The following INTS1 variants were observed in gnomAD, a reference collection of about 807,000 sequenced individuals.
The protein encoded by INTS1 is integrator complex subunit 1.
A neutral mutation model predicts 241.6 loss-of-function variants in INTS1; 137 were observed. The ratio of observed to expected loss-of-function variants is 0.57; its 90% CI spans 0.49 to 0.65. The LOEUF (loss-of-function observed/expected upper bound fraction) is 0.65, where lower values mean the gene tolerates loss of function less well. INTS1 is among the 30% of genes least tolerant of loss of function. INTS1 has a pLI of 0.00. For synonymous variants in INTS1, 1,692 were observed against 1,337.8 expected, an observed-to-expected ratio of 1.26 and a Z score of -5.78; for missense variants, 3,073 against 3,032.2, an observed-to-expected ratio of 1.01 and a Z score of -0.32.
chr7:1,492,730 T>A (rs1386614589), intron 16 of INTS1, among the ~76,000 whole-genome samples: 3 of 152,066 alleles, frequency 2.0e-5, no homozygotes, highest in Non-Finnish European at 4.4e-5. Flanking sequence ...CAAACCCAGG[T>A]AACGGTTGGA....
intron 33 of INTS1, 31 bp downstream of exon 33, chr7:1,478,335 G>A (rs4725131): frequency 0.074 from 119,505 of 1,606,566 alleles, 5,669 homozygotes; most frequent in Admixed American, 0.24. Flanking sequence ...CAGGGCCGCC[G>A]TGGCCCAAGA....
Position 1,478,660 on chromosome 7 carries a change from T to C in INTS1, c.4489+66A>G, listed in dbSNP as rs1205653336. 5 of 1,493,232 alleles carry C rather than the reference T, an allele frequency of 3.3e-6. No homozygotes were observed. The African/African-American group carries it at 4.2e-5, about 12-fold the overall frequency. The allele number at this position is 1,493,232 out of a possible 1,614,324, so 92.5% of individuals were successfully genotyped here. A position where few individuals can be genotyped will look rare whatever the true frequency, so the allele number is the denominator to read the frequency against. On this transcript the variant is annotated intron_variant, in intron 32 of 47. Coordinates refer to ENST00000404767, the MANE Select transcript of INTS1 (RefSeq NM_001080453.3). ...CCAGGCCTCGGGGTGCCAGGCAGCT[T>C]GGCCACTCTGAGTGAGCCCCTGTCC...
chr7:1,499,926 G>A lies in INTS1; in HGVS notation c.642C>T (p.Ala214=), dbSNP rs756251106. ...GCCAGTTCTCGTCCTCCTCGTAGGC[G>A]GCCATGAGGAGGTTACAGGCCAGCA... is the stretch of plus-strand genomic sequence containing the variant. ...VSVLACNLLM[A]AYEEDENWPE... is the part of the protein sequence containing the mutation. The change falls in exon 5 of 48, where the codon GCC becomes GCT. Residue 214 remains alanine (A), a synonymous_variant. Transcript: ENST00000404767. The A allele has an allele frequency of 1.7e-5, 28 of 1,613,542 alleles. No individual in the cohort carries two copies. Among genetic ancestry groups the A allele is most frequent in the South Asian group, 6.6e-5 (6 of 91,084 alleles).
chr7:1,496,574 A>G (rs912643367), intron 11 of INTS1, among the ~76,000 whole-genome samples: 2 of 152,100 alleles, frequency 1.3e-5, no homozygotes, highest in East Asian at 3.9e-4. Context: ...AGGGATCCAG[A>G]GAGAGAGCCC....
At position 1,478,801 on chromosome 7, in the gene INTS1, C is replaced by A. The variant is rs376634201; in HGVS notation, c.4414G>T (p.Val1472Leu). 3.7e-6 allele frequency: 6 copies of A among 1,606,972 alleles called. No homozygotes were observed. The highest frequency in any genetic ancestry group is 1.1e-5 in the South Asian group (1 of 90,050). The change falls in exon 32 of 48, where the codon GTG (valine) becomes TTG (leucine). Residue 1472 changes from valine (V) to leucine (L), a missense_variant. Transcript: ENST00000404767. ...TGTGCCCGCAGGGGCCCGCCCTCCACGCCAGGGCTGTCCAGCCACTGCAGC... is the reference window on the plus strand; with the variant it reads ...TGTGCCCGCAGGGGCCCGCCCTCCAAGCCAGGGCTGTCCAGCCACTGCAGC... ...QMLQWLDSPG[V>L]EGGPLRAQLR...
rs754891228 is a variant in INTS1 at position 1,480,362 on chromosome 7, G to C, written c.4029C>G (p.Leu1343=). ...GGTCGTCCTCAGGGCCCAGCACCCG[G>C]AGCTGGGTCCCCACCCGAATCCGGC... The part of the protein sequence containing the change: ...GQGRIRVGTQ[L]RVLGPEDDLA... Residue 1343 remains leucine, a synonymous_variant, in exon 30 of 48, where the codon CTC becomes CTG. Transcript: ENST00000404767. 3 of 1,612,056 alleles carry C rather than the reference G, an allele frequency of 1.9e-6. No individual in the cohort carries two copies. Among genetic ancestry groups the C allele is most frequent in the South Asian group, 1.1e-5 (1 of 90,934 alleles).
At chr7:1,471,872 C>G (rs1201990032) in intron 44 of INTS1, 1 of 589,712 alleles carries the variant, frequency 1.7e-6, no homozygotes, top group Non-Finnish European at 3.0e-6. Flanking sequence ...CACGGCAGCC[C>G]CATATCCAGG....
intron 36 of INTS1, 50 bp downstream of exon 36, chr7:1,476,744 G>C (rs371299805): frequency 1.9e-6 from 3 of 1,612,298 alleles, no homozygotes; most frequent in Non-Finnish European, 2.5e-6. Flanking sequence ...GAGATTTCTG[G>C]TGAAGGCCAG....
chr7:1,484,339 C>T (rs1782145854), intron 24 of INTS1, among the ~76,000 whole-genome samples, 169 bp from the exon 25 acceptor site: 1 of 152,116 alleles, frequency 6.6e-6, no homozygotes, highest in Admixed American at 6.5e-5. Flanking sequence ...AGAGCTGGGT[C>T]GGACTCTCCA....
intron 33 of INTS1, among the ~76,000 whole-genome samples, 170 bp from the exon 34 acceptor site, chr7:1,478,106 G>C: frequency 6.7e-6 from 1 of 148,272 alleles, no homozygotes; most frequent in Non-Finnish European, 1.5e-5. Flanking sequence ...AGGAGAGTGC[G>C]GCCGGGGCTG....
In INTS1 at chr7:1,484,170, C is replaced by A; in HGVS notation, c.3262G>T (p.Asp1088Tyr). ...EQAQHSDLAL[D>Y]VARLVVERST... ...CGCTCCACGACCAGCCGGGCCACGT[C>A]CTGGTGTGTGGACAGGGGGGCGTCA... The change falls in exon 25 of 48, where the codon GAC becomes TAC. Residue 1088 changes from aspartate (D) to tyrosine (Y), a missense_variant and splice_region_variant. Asp to Tyr is a radical substitution (Grantham distance 160). Transcript: ENST00000404767. The A allele has an allele frequency of 3.1e-6, 5 of 1,607,344 alleles. No homozygotes were observed. The highest frequency in any genetic ancestry group is 4.2e-6 in the Non-Finnish European group (5 of 1,177,042).
intron 11 of INTS1, among the ~76,000 whole-genome samples, chr7:1,496,930 T>G (rs6950990): frequency 6.6e-6 from 1 of 151,954 alleles, no homozygotes; most frequent in Admixed American, 6.5e-5. Flanking sequence ...TCCCCTGTGC[T>G]TGGTCAGCCC....
intron 21 of INTS1, 71 bp from the exon 22 acceptor site, chr7:1,486,845 G>A: frequency 6.3e-7 from 1 of 1,595,164 alleles, no homozygotes; most frequent in Non-Finnish European, 8.5e-7. Context: ...GTGCGCGGCT[G>A]GTGGGCTCAG....
rs1353245005 is a variant in INTS1 at position 1,493,730 on chromosome 7, C to A, written c.2068+24G>T. 7 of 1,558,606 alleles carry A rather than the reference C, an allele frequency of 4.5e-6. No homozygotes were observed. Among genetic ancestry groups the A allele is most frequent in the Non-Finnish European group, 5.2e-6 (6 of 1,152,836 alleles). ...ACGAGGGGAGCAGACCCAGCACAGG[C>A]GCCATCCCCTGCAGAAGCCATACCA... On this transcript the variant is annotated intron_variant, in intron 15 of 47. Transcript: ENST00000404767. This position sits in a 1 kb window ranked among gnomAD's most constrained non-coding sequence, Gnocchi z 5.3.
chr7:1,481,370 C>G lies in INTS1; in HGVS notation c.3822G>C (p.Gln1274His), dbSNP rs374357987. Reference protein sequence around the residue: ...FLDQAVAHDPQTLEQNIMDKN... With the variant: ...FLDQAVAHDPHTLEQNIMDKN... ...TGTCCATGATGTTCTGCTCCAGAGTCTGGGGGTCGTGGGCCACTGCCTGGT... is the reference window on the plus strand; with the variant it reads ...TGTCCATGATGTTCTGCTCCAGAGTGTGGGGGTCGTGGGCCACTGCCTGGT... The change falls in exon 28 of 48, where the codon CAG (glutamine) becomes CAC (histidine). Residue 1274 changes from glutamine (Q) to histidine (H), a missense_variant. Coordinates refer to ENST00000404767, the MANE Select transcript of INTS1 (RefSeq NM_001080453.3). This position sits in a 1 kb window ranked among gnomAD's most constrained non-coding sequence, Gnocchi z 6.8. 2.2e-5 allele frequency: 35 copies of G among 1,612,674 alleles called. No individual in the cohort carries two copies. The highest frequency in any genetic ancestry group is 1.6e-4 in the Middle Eastern group (1 of 6,076).
chr7:1,503,987 C>G lies in INTS1; in HGVS notation c.-27G>C. 1.3e-6 allele frequency: 2 copies of G among 1,530,910 alleles called. No individual in the cohort carries two copies. The highest frequency in any genetic ancestry group is 1.8e-6 in the Non-Finnish European group (2 of 1,136,358). The allele number at this position is 1,530,910 out of a possible 1,614,324, so 94.8% of individuals were successfully genotyped here. A position where few individuals can be genotyped will look rare whatever the true frequency, so the allele number is the denominator to read the frequency against. On this transcript the variant is annotated 5_prime_UTR_variant, in exon 2 of 48. Transcript: ENST00000404767. ...CTGCCCCGTCCCTCGCGGCTCCCGG[C>G]GGCTGCGGCGTCACCTGCGGAGGAG...
intron 29 of INTS1, among the ~76,000 whole-genome samples, 185 bp from the exon 30 acceptor site, chr7:1,480,626 G>A (rs1781947489): frequency 6.6e-6 from 1 of 152,198 alleles, no homozygotes; most frequent in African/African-American, 2.4e-5. Context: ...TCAAGACTCT[G>A]AACAGGAACG....
Position 1,484,126 on chromosome 7 carries a change from G to A in INTS1, c.3306C>T (p.His1102=), listed in dbSNP as rs1782131548. The change falls in exon 25 of 48, where the codon CAC becomes CAT. Residue 1102 remains histidine (H), a synonymous_variant. Coordinates refer to ENST00000404767, the MANE Select transcript of INTS1 (RefSeq NM_001080453.3). ...CACTCGGGGAGAGCTTCGAGAAGAG[G>A]TGGGACATGATGGTGGAGCGCTCCA... ...LVVERSTIMS[H]LFSKLSPSAA... The A allele has an allele frequency of 1.9e-6, 3 of 1,612,260 alleles. No individual in the cohort carries two copies. The highest frequency in any genetic ancestry group is 2.5e-6 in the Non-Finnish European group (3 of 1,179,748).
intron 16 of INTS1, 106 bp downstream of exon 16, chr7:1,492,904 T>A: frequency 1.5e-6 from 1 of 647,528 alleles, no homozygotes; most frequent in South Asian, 2.0e-5. Flanking sequence ...GGGCGCAGGC[T>A]TACCCGGGCG....
Sources: allele counts gnomAD v4.1 joint callset (sites outside exome capture counted in the v4.1 genomes callset), GRCh38; gene constraint gnomAD v4.1.1; non-coding constraint Gnocchi (gnomAD v3.1); transcripts MANE v1.5; gene names NCBI Gene and HGNC (gene_info 2026-07-23, HGNC 2026-07-21).